The following GRIN2D variants were observed in gnomAD, a reference collection of about 807,000 sequenced individuals.
GRIN2D encodes glutamate receptor ionotropic, NMDA 2D.
GRIN2D carries 37 observed loss-of-function variants against 103.2 expected under a neutral mutation model. The observed-to-expected ratio is 0.36, with a 90% CI of 0.28 to 0.47. The LOEUF is 0.47. GRIN2D is among the 20% of genes least tolerant of loss of function. GRIN2D has a pLI of 1.00. For missense variants in GRIN2D, 1,557 were observed against 1,910.6 expected (o/e 0.81, Z 3.45); for synonymous variants, 845 against 885.6 (o/e 0.95, Z 0.81).
Position 48,421,427 on chromosome 19 carries a change from T to TAA in GRIN2D, c.2092-347_2092-346dup, listed in dbSNP as rs10632608. 5.7e-4 allele frequency among the ~76,000 whole-genome samples: 84 copies of TAA among 147,274 alleles called. No individual in the cohort carries two copies. The highest frequency in any genetic ancestry group is 3.4e-3 in the Middle Eastern group (1 of 290). On this transcript the variant is annotated intron_variant, in intron 10 of 13. Transcript: ENST00000263269. This position sits in a 1 kb window ranked among gnomAD's most constrained non-coding sequence, Gnocchi z 4.8. The stretch of plus-strand genomic sequence containing the variant: ...TGGGCAACAAGAGCAAGACTCCGTT[T>TAA]AAAAAAAAAAAAGTGAACTATTTCT...
At chr19:48,420,701 C>T (rs1971012622) in intron 10 of GRIN2D, among the ~76,000 whole-genome samples, 1 of 151,950 alleles carries the variant, frequency 6.6e-6, no homozygotes, top group Admixed American at 6.6e-5. Flanking sequence ...TAGTGGGTGC[C>T]TGTAGTCCCA....
intron 11 of GRIN2D, among the ~76,000 whole-genome samples, chr19:48,424,196 A>G (rs952896228): frequency 6.6e-6 from 1 of 150,578 alleles, no homozygotes; most frequent in Non-Finnish European, 1.5e-5. Flanking sequence ...TGAGAGGATC[A>G]CTTAAGACCA....
At chr19:48,429,836 G>A (rs1310903731) in intron 11 of GRIN2D, among the ~76,000 whole-genome samples, 1 of 151,898 alleles carries the variant, frequency 6.6e-6, no homozygotes, top group Non-Finnish European at 1.5e-5. Context: ...CAGGATTACG[G>A]GCACGAGCCA....
At chr19:48,398,932 A>AGC in intron 3 of GRIN2D, 75 bp downstream of exon 3, 2 of 441,068 alleles carry the variant, frequency 4.5e-6, no homozygotes, top group Admixed American at 1.0e-4. Context: ...TGGGACAGCC[A>AGC]GCGGGGGCGG....
chr19:48,398,705 G>A lies in GRIN2D; in HGVS notation c.313G>A (p.Asp105Asn), dbSNP rs1309442475. 2 of 1,465,736 alleles carry A rather than the reference G, an allele frequency of 1.4e-6. No individual in the cohort carries two copies. The highest frequency in any genetic ancestry group is 1.3e-5 in the South Asian group (1 of 77,546). The allele number at this position is 1,465,736 out of a possible 1,614,324, so 90.8% of individuals were successfully genotyped here. ...DPRSLVLQLCDLLSGLRVHGV... is the reference protein window; with the variant it reads ...DPRSLVLQLCNLLSGLRVHGV... Reference sequence around the variant, plus strand: ...GCGCAGCCTCGTGCTGCAGCTCTGCGACCTGCTGTCGGGGTTGCGCGTGCA... The same window carrying A: ...GCGCAGCCTCGTGCTGCAGCTCTGCAACCTGCTGTCGGGGTTGCGCGTGCA... The change falls in exon 3 of 14, where the codon GAC becomes AAC. Residue 105 changes from aspartate to asparagine, a missense_variant. By Grantham distance (23) the Asp-to-Asn change is conservative. Around this residue, in one of 7 missense-constraint regions of GRIN2D, gnomAD observed 490 missense variants for 601.1 expected, o/e 0.82. Transcript: ENST00000263269.
intron 8 of GRIN2D, among the ~76,000 whole-genome samples, chr19:48,417,922 G>A (rs1217495958): frequency 6.6e-6 from 1 of 152,106 alleles, no homozygotes; most frequent in Non-Finnish European, 1.5e-5. Flanking sequence ...ATGTGAGGAG[G>A]GGACACATGA....
At chr19:48,412,421 AAAAGAAAGAAAGAAAG>A (rs57100057) in intron 4 of GRIN2D, among the ~76,000 whole-genome samples, 1,957 of 123,432 alleles carry the variant, frequency 0.016, 37 homozygotes, top group African/African-American at 0.038. Context: ...AAAGAGAAAG[AAAAGAAAGAAAGAAAG>A]AAAGAAAGAA....
chr19:48,420,695 G>C (rs891979648), intron 10 of GRIN2D, among the ~76,000 whole-genome samples: 1 of 150,318 alleles, frequency 6.7e-6, no homozygotes, highest in African/African-American at 2.4e-5. Context: ...GCGTGGTAGT[G>C]GGTGCCTGTA....
chr19:48,434,049 T>C (rs908066314), intron 11 of GRIN2D, among the ~76,000 whole-genome samples: 6 of 148,052 alleles, frequency 4.1e-5, no homozygotes, highest in African/African-American at 1.5e-4. Context: ...CCCGGGTTCA[T>C]ACCATTCTCC....
intron 2 of GRIN2D, among the ~76,000 whole-genome samples, chr19:48,398,089 T>C (rs1970663930): frequency 6.7e-6 from 1 of 149,940 alleles, no homozygotes; most frequent in South Asian, 2.1e-4. Context: ...CGTCTCCCCC[T>C]CTCTCTCCCC....
Position 48,404,507 on chromosome 19 carries a change from C to T in GRIN2D, c.466-227C>T, listed in dbSNP as rs111803883. Among the ~76,000 whole-genome samples the T allele has an allele frequency of 5.4e-3, 820 of 152,028 alleles. 3 individuals are homozygous for T. The highest frequency in any genetic ancestry group is 0.027 in the Middle Eastern group (8 of 294). ...GATTCTGTCTCAAAAAAACAAAAAA[C>T]AAAAAAACAAAACAAAAAACTAAGG... On this transcript the variant is annotated intron_variant, in intron 3 of 13. Coordinates refer to ENST00000263269, the MANE Select transcript of GRIN2D (RefSeq NM_000836.4).
intron 3 of GRIN2D, among the ~76,000 whole-genome samples, chr19:48,400,993 G>A (rs566777525): frequency 5.5e-4 from 83 of 152,004 alleles, no homozygotes; most frequent in African/African-American, 1.8e-3. Flanking sequence ...CTTGAACCTG[G>A]GAGGCGGAGG....
intron 3 of GRIN2D, 77 bp downstream of exon 3, chr19:48,398,934 C>CGGGGGCGGGGCCTAGA (rs1970677329): frequency 1.2e-5 from 1 of 83,572 alleles, no homozygotes; most frequent in African/African-American, 9.1e-5. Context: ...GGACAGCCAG[C>CGGGGGCGGGGCCTAGA]GGGGGCGGGG....
chr19:48,442,079 C>T lies in GRIN2D; in HGVS notation c.2441-71C>T. 6.5e-7 allele frequency: 1 copy of T among 1,527,840 alleles called. No homozygotes were observed. The highest frequency in any genetic ancestry group is 1.1e-5 in the South Asian group (1 of 87,934). The allele number at this position is 1,527,840 out of a possible 1,614,324, so 94.6% of individuals were successfully genotyped here. On this transcript the variant is annotated intron_variant, in intron 12 of 13. Transcript: ENST00000263269. The surrounding 1 kb of genome is among the most constrained non-coding windows in gnomAD (Gnocchi z 7.2). The stretch of plus-strand genomic sequence containing the variant: ...GAGGGAGGAAGGGGCTAAGGGCCTA[C>T]ATTCCCACATCACAGACAAGGGTCC...
chr19:48,434,228 G>A (rs1049491461), intron 11 of GRIN2D, among the ~76,000 whole-genome samples: 1 of 151,076 alleles, frequency 6.6e-6, no homozygotes, highest in African/African-American at 2.4e-5. Context: ...GGCATTACAG[G>A]CACAAGCCAC....
At position 48,442,831 on chromosome 19, in the gene GRIN2D, G is replaced by C; in HGVS notation, c.2905G>C (p.Glu969Gln). 5.6e-6 allele frequency: 6 copies of C among 1,075,014 alleles called. No homozygotes were observed. Among genetic ancestry groups the C allele is most frequent in the Non-Finnish European group, 6.7e-6 (6 of 889,008 alleles). The allele number at this position is 1,075,014 out of a possible 1,614,324, so 66.6% of individuals were successfully genotyped here. Residue 969 changes from glutamate to glutamine, a missense_variant, in exon 14 of 14, where the codon GAG (glutamate) becomes CAG (glutamine). This residue lies in a region of GRIN2D where 632 missense variants were observed against 572.8 expected (regional missense o/e 1.10). Coordinates refer to ENST00000263269, the MANE Select transcript of GRIN2D (RefSeq NM_000836.4). The surrounding 1 kb of genome is among the most constrained non-coding windows in gnomAD (Gnocchi z 7.2). ...CTTCCACCGCTACTACGGCCCCATC[G>C]AGCCGCAGGGCCTAGGCCTCGGCCT... Reference protein sequence around the residue: ...DGFHRYYGPIEPQGLGLGLGE... With the variant: ...DGFHRYYGPIQPQGLGLGLGE...
chr19:48,439,524 A>G (rs1283910964), intron 11 of GRIN2D, among the ~76,000 whole-genome samples: 1 of 152,240 alleles, frequency 6.6e-6, no homozygotes, highest in Admixed American at 6.5e-5. Flanking sequence ...ACAGAAATAA[A>G]TGTAAAATGA....
chr19:48,432,462 C>A (rs1971169830), intron 11 of GRIN2D, among the ~76,000 whole-genome samples: 1 of 151,768 alleles, frequency 6.6e-6, no homozygotes, highest in African/African-American at 2.4e-5. Context: ...TCTCCCTCTC[C>A]TTCATTTCTC....
intron 11 of GRIN2D, among the ~76,000 whole-genome samples, chr19:48,440,749 C>T (rs957864126): frequency 1.7e-4 from 26 of 152,058 alleles, no homozygotes; most frequent in Middle Eastern, 6.3e-3. Context: ...TGCAGTGGCT[C>T]GATTTTGGCT....
Sources: allele counts gnomAD v4.1 joint callset (sites outside exome capture counted in the v4.1 genomes callset), GRCh38; gene constraint gnomAD v4.1.1; regional missense constraint gnomAD v4.1.1; non-coding constraint Gnocchi (gnomAD v3.1); transcripts MANE v1.5; gene names NCBI Gene and HGNC (gene_info 2026-07-23, HGNC 2026-07-21).